Variants in PCDHGA1 observed in about 807,000 individuals in gnomAD.
PCDHGA1 encodes protocadherin gamma subfamily A, 1, also known as protocadherin gamma-A1.
Under a neutral mutation model 58.0 loss-of-function variants are expected in PCDHGA1, and 32 were observed. That is an observed-to-expected ratio of 0.55 (90% CI 0.42 to 0.74). The LOEUF (loss-of-function observed/expected upper bound fraction) is 0.74, where lower values mean the gene tolerates loss of function less well. PCDHGA1 is among the 30% of genes least tolerant of loss of function. PCDHGA1 has a pLI of 0.00. For missense variants in PCDHGA1, 1,205 were observed against 1,182.3 expected, an observed-to-expected ratio of 1.02 and a Z score of -0.28; for synonymous variants, 498 against 501.1, an observed-to-expected ratio of 0.99 and a Z score of 0.08.
rs774103190 is a variant in PCDHGA1 at position 141,344,311 on chromosome 5, A to G, written c.2421+11206A>G. The G allele has an allele frequency of 3.7e-6, 6 of 1,613,972 alleles. No individual in the cohort carries two copies. In the African/African-American group the frequency reaches 6.7e-5, roughly 18 times the overall value. On this transcript the variant is annotated intron_variant, in intron 1 of 3. Coordinates refer to ENST00000517417, the MANE Select transcript of PCDHGA1 (RefSeq NM_018912.3). ...GTCACCGCGGAGAGGATAGACCGGGAGGAGCTCTGCGCTCAGATCCCGCTG... is the reference window on the plus strand; with the variant it reads ...GTCACCGCGGAGAGGATAGACCGGGGGGAGCTCTGCGCTCAGATCCCGCTG...
At position 141,431,580 on chromosome 5, in the gene PCDHGA1, A is replaced by G. The variant is rs777990962; in HGVS notation, c.2422-63227A>G. ...GCTACCGACCCTGACGAAGGAGTCA[A>G]TGCGGAAGTGAGGTATTCCTTCCGG... On this transcript the variant is annotated intron_variant, in intron 1 of 3. Coordinates refer to ENST00000517417, the MANE Select transcript of PCDHGA1 (RefSeq NM_018912.3). The surrounding 1 kb of genome is among the most constrained non-coding windows in gnomAD (Gnocchi z 4.8). 1.2e-5 allele frequency: 19 copies of G among 1,614,098 alleles called. No homozygotes were observed. Among genetic ancestry groups the G allele is most frequent in the Non-Finnish European group, 1.5e-5 (18 of 1,180,040 alleles).
In PCDHGA1 at chr5:141,350,785, C is replaced by A; in HGVS notation, c.2421+17680C>A. 1 of 1,613,294 alleles carries A rather than the reference C, an allele frequency of 6.2e-7. No individual in the cohort carries two copies. The highest frequency in any genetic ancestry group is 8.5e-7 in the Non-Finnish European group (1 of 1,179,758). Reference sequence around the variant, plus strand: ...ACACCATCAACCCCAATCAATACTTCTCTCTGTCAACGAAGGAAAGTCCTG... The same window carrying A: ...ACACCATCAACCCCAATCAATACTTATCTCTGTCAACGAAGGAAAGTCCTG... On this transcript the variant is annotated intron_variant, in intron 1 of 3. Coordinates refer to ENST00000517417, the MANE Select transcript of PCDHGA1 (RefSeq NM_018912.3).
intron 1 of PCDHGA1, chr5:141,478,046 C>A (rs762982394): frequency 3.7e-6 from 6 of 1,614,172 alleles, no homozygotes; most frequent in Non-Finnish European, 5.1e-6. Flanking sequence ...CAGGCAGACT[C>A]TCACGGTCTT....
intron 1 of PCDHGA1, chr5:141,382,843 C>T (rs1588925022): frequency 5.4e-6 from 8 of 1,471,852 alleles, no homozygotes; most frequent in East Asian, 2.3e-5. Flanking sequence ...CCCGGATACA[C>T]CCGCATTCTG....
intron 1 of PCDHGA1, chr5:141,350,563 A>G (rs1758505116): frequency 6.2e-6 from 10 of 1,614,080 alleles, no homozygotes; most frequent in Non-Finnish European, 8.5e-6. Context: ...AGTGTGCACT[A>G]GAATTCGAAA....
intron 1 of PCDHGA1, chr5:141,383,550 C>A: frequency 6.2e-7 from 1 of 1,612,098 alleles, no homozygotes; most frequent in Non-Finnish European, 8.5e-7. Flanking sequence ...CCTCTGATGG[C>A]GGCGACCCGC....
At chr5:141,387,843 G>A in intron 1 of PCDHGA1, 5 of 1,597,072 alleles carry the variant, frequency 3.1e-6, no homozygotes, top group Admixed American at 1.7e-5. Flanking sequence ...TTTGTAACCC[G>A]GCGTCTCCAG....
intron 1 of PCDHGA1, chr5:141,418,840 C>T: frequency 6.2e-7 from 1 of 1,614,006 alleles, no homozygotes; most frequent in Middle Eastern, 1.6e-4. Context: ...GAGGATCTCT[C>T]TCAACACGGT....
At position 141,477,577 on chromosome 5, in the gene PCDHGA1, G is replaced by T; in HGVS notation, c.2422-17230G>T. Reference sequence around the variant, plus strand: ...TAAGTGTCTGGGACCCCGACGCCCCGCAGAATGCTCGGCTTTCTTTCTTTC... The same window carrying T: ...TAAGTGTCTGGGACCCCGACGCCCCTCAGAATGCTCGGCTTTCTTTCTTTC... On this transcript the variant is annotated intron_variant, in intron 1 of 3. Transcript: ENST00000517417. The surrounding 1 kb of genome is among the most constrained non-coding windows in gnomAD (Gnocchi z 4.9). 1.2e-6 allele frequency: 2 copies of T among 1,614,124 alleles called. No homozygotes were observed. Among genetic ancestry groups the T allele is most frequent in the Non-Finnish European group, 1.7e-6 (2 of 1,180,020 alleles).
Position 141,432,072 on chromosome 5 carries a change from T to C in PCDHGA1, c.2422-62735T>C, listed in dbSNP as rs1236871982. The C allele has an allele frequency of 6.2e-7, 1 of 1,614,178 alleles. No homozygotes were observed. The highest frequency in any genetic ancestry group is 8.5e-7 in the Non-Finnish European group (1 of 1,180,032). On this transcript the variant is annotated intron_variant, in intron 1 of 3. Coordinates refer to ENST00000517417, the MANE Select transcript of PCDHGA1 (RefSeq NM_018912.3). This position sits in a 1 kb window ranked among gnomAD's most constrained non-coding sequence, Gnocchi z 6.0. ...CCGCCCCTATCCACGGAAACTCATA[T>C]CTCGCTGAACGTGGCAGACACCAAC...
At chr5:141,394,268 C>G in intron 1 of PCDHGA1, 1 of 1,613,946 alleles carries the variant, frequency 6.2e-7, no homozygotes, top group African/African-American at 1.3e-5. Flanking sequence ...AGGAGAATGC[C>G]CAGGTCACTT....
chr5:141,370,930 C>T lies in PCDHGA1; in HGVS notation c.2421+37825C>T, dbSNP rs753377715. ...TACCTCAGCCCTGATCCGCACTTCT[C>T]TTTGATTCAGAAGGAGAACCTGGAT... On this transcript the variant is annotated intron_variant, in intron 1 of 3. Transcript: ENST00000517417. 16 of 1,613,894 alleles carry T rather than the reference C, an allele frequency of 9.9e-6. No homozygotes were observed. The African/African-American group carries it at 2.1e-4, about 22-fold the overall frequency.
chr5:141,374,151 T>C lies in PCDHGA1; in HGVS notation c.2421+41046T>C, dbSNP rs759314106. ...CTGCTCCTCACGCTCCTGGGGACGC[T>C]GTGGGGGGCCGCGGCAGCGCAGATC... On this transcript the variant is annotated intron_variant, in intron 1 of 3. Coordinates refer to ENST00000517417, the MANE Select transcript of PCDHGA1 (RefSeq NM_018912.3). 2 of 1,611,862 alleles carry C rather than the reference T, an allele frequency of 1.2e-6. No individual in the cohort carries two copies. Among genetic ancestry groups the C allele is most frequent in the Non-Finnish European group, 1.7e-6 (2 of 1,178,732 alleles).
At chr5:141,364,958 C>G in intron 1 of PCDHGA1, 1 of 1,613,958 alleles carries the variant, frequency 6.2e-7, no homozygotes, top group Non-Finnish European at 8.5e-7. Flanking sequence ...TGTTCACGAC[C>G]TCCTCCTCAC....
Position 141,511,159 on chromosome 5 carries a change from AAGG to A in PCDHGA1, c.2785_2787del (p.Glu929del), listed in dbSNP as rs1477173987. 3 of 1,614,186 alleles carry A rather than the reference AAGG, an allele frequency of 1.9e-6. No individual in the cohort carries two copies. The highest frequency in any genetic ancestry group is 2.2e-5 in the East Asian group (1 of 44,872). On this transcript the variant is annotated inframe_deletion, in exon 4 of 4. Coordinates refer to ENST00000517417, the MANE Select transcript of PCDHGA1 (RefSeq NM_018912.3). ...TGGCAACAAGAAGAAGTCGGGCAAG[AAGG>A]AGAAGAAGTAACATGGAGGCCAGGC... is the stretch of plus-strand genomic sequence containing the variant.
chr5:141,393,938 C>T lies in PCDHGA1; in HGVS notation c.2421+60833C>T, dbSNP rs537803893. The T allele has an allele frequency of 1.5e-5, 25 of 1,613,934 alleles. No homozygotes were observed. In the African/African-American group the frequency reaches 2.4e-4, roughly 15 times the overall value. ...CCTTCTTGAGTGTGCATGACCAAGA[C>T]TCTGGAAAGAATGGTCAAGTTGTCT... On this transcript the variant is annotated intron_variant, in intron 1 of 3. Transcript: ENST00000517417.
intron 1 of PCDHGA1, chr5:141,415,230 A>G (rs1222982593): frequency 6.2e-7 from 1 of 1,614,050 alleles, no homozygotes; most frequent in Non-Finnish European, 8.5e-7. Context: ...TCGAGTCTCC[A>G]GCTAACTCTG....
At chr5:141,497,092 G>C (rs2099773958) in intron 2 of PCDHGA1, among the ~76,000 whole-genome samples, 1 of 152,092 alleles carries the variant, frequency 6.6e-6, no homozygotes, top group Admixed American at 6.5e-5. Flanking sequence ...AGGAGGCTGA[G>C]GCAGAACTGC....
chr5:141,376,772 C>T lies in PCDHGA1; in HGVS notation c.2421+43667C>T, dbSNP rs911404342. ...CGCAATCTCGGCTCACTGCAAGCTC[C>T]GCTTCCCGGGTTCACGCCATTCTCC... On this transcript the variant is annotated intron_variant, in intron 1 of 3. Transcript: ENST00000517417. The T allele has an allele frequency of 8.2e-5, 34 of 412,628 alleles. 1 individual carries two copies. The highest frequency in any genetic ancestry group is 3.9e-4 in the Admixed American group (9 of 23,202). 25.6% of individuals were successfully genotyped at this position (412,628 alleles called of 1,614,324 possible).
Sources: gnomAD v4.1 joint callset for allele counts (sites outside exome capture counted in the v4.1 genomes callset) on GRCh38, gnomAD v4.1.1 for gene constraint, Gnocchi (gnomAD v3.1) non-coding constraint, MANE v1.5 for transcripts, NCBI Gene and HGNC (gene_info 2026-07-23, HGNC 2026-07-21) for gene names.